WDR25: variants seen among roughly 807,000 people sequenced by gnomAD.
WDR25 encodes the protein WD repeat-containing protein 25.
A neutral mutation model predicts 47.7 loss-of-function variants in WDR25; 35 were observed. That is an observed-to-expected ratio of 0.73 (90% CI 0.56 to 0.97). The LOEUF (loss-of-function observed/expected upper bound fraction) is 0.97, where lower values mean the gene tolerates loss of function less well. Among genes scored for constraint, WDR25 ranks in the 50% least tolerant of loss-of-function variants. The probability of loss-of-function intolerance (pLI) is 0.00; values close to 1 mark genes in which losing one functional copy is unlikely to be tolerated. For missense variants in WDR25, 634 were observed against 704.7 expected (o/e 0.90, Z 1.14); for synonymous variants, 248 against 278.9 (o/e 0.89, Z 1.10).
At position 100,529,376 on chromosome 14, in the gene WDR25, A is replaced by C; in HGVS notation, c.1413+168A>C. 9.5e-7 allele frequency: 1 copy of C among 1,047,290 alleles called. No individual in the cohort carries two copies. The highest frequency in any genetic ancestry group is 1.4e-6 in the Non-Finnish European group (1 of 730,658). 64.9% of individuals were successfully genotyped at this position (1,047,290 alleles called of 1,614,324 possible). A position where few individuals can be genotyped will look rare whatever the true frequency, so the allele number is the denominator to read the frequency against. On this transcript the variant is annotated intron_variant, in intron 6 of 6. Transcript: ENST00000402312. This position sits in a 1 kb window ranked among gnomAD's most constrained non-coding sequence, Gnocchi z 5.1. ...GGCTCACTGTCTCTTCAAGTCCCTG[A>C]ACCACATCTGGTCCTCACCCCAGGC...
At position 100,499,658 on chromosome 14, in the gene WDR25, G is replaced by A. The variant is rs930293384; in HGVS notation, c.1101+15534G>A. Among the ~76,000 whole-genome samples the A allele has an allele frequency of 3.3e-5, 5 of 152,104 alleles. No individual in the cohort carries two copies. The highest frequency in any genetic ancestry group is 7.4e-5 in the Non-Finnish European group (5 of 68,020). ...GGTGGTGGCTGAGGGAGCAGGGTGG[G>A]TATAGGGAAGAAAGCCACCTCCTTC... On this transcript the variant is annotated intron_variant, in intron 4 of 6. Coordinates refer to ENST00000402312, the MANE Select transcript of WDR25 (RefSeq NM_001161476.3). This position sits in a 1 kb window ranked among gnomAD's most constrained non-coding sequence, Gnocchi z 4.4.
At chr14:100,459,908 A>G (rs1341103680) in intron 2 of WDR25, among the ~76,000 whole-genome samples, 7,984 of 49,780 alleles carry the variant, frequency 0.16, 598 homozygotes, top group East Asian at 0.27. Context: ...ATATATATAT[A>G]TATATATATA....
intron 2 of WDR25, among the ~76,000 whole-genome samples, chr14:100,451,268 G>A (rs1347050001): frequency 6.8e-6 from 1 of 147,856 alleles, no homozygotes. Context: ...TTGAGACGAG[G>A]TCTCACTTTG....
intron 2 of WDR25, among the ~76,000 whole-genome samples, chr14:100,403,041 T>TC (rs5810996): frequency 0.35 from 53,280 of 152,030 alleles, 11,769 homozygotes; most frequent in South Asian, 0.66. Flanking sequence ...ATTAGCAGTG[T>TC]CCAACAAATG....
rs1011502526 is a variant in WDR25 at position 100,428,832 on chromosome 14, A to G, written c.823-39189A>G. Among the ~76,000 whole-genome samples, 1 of 152,200 alleles carries G rather than the reference A, an allele frequency of 6.6e-6. No homozygotes were observed. ...TTAAAATCTCATATGAATTAATTTC[A>G]TGAAATTGGTTTGTTTTTCTTCTTC... On this transcript the variant is annotated intron_variant, in intron 2 of 6. Coordinates refer to ENST00000402312, the MANE Select transcript of WDR25 (RefSeq NM_001161476.3). This position sits in a 1 kb window ranked among gnomAD's most constrained non-coding sequence, Gnocchi z 4.3.
intron 2 of WDR25, among the ~76,000 whole-genome samples, chr14:100,417,223 T>C (rs942034146): frequency 6.6e-6 from 1 of 152,246 alleles, no homozygotes; most frequent in Admixed American, 6.5e-5. Flanking sequence ...ATCTGTTACT[T>C]GTGCGTGTCT....
chr14:100,460,767 C>T (rs1030692971), intron 2 of WDR25, among the ~76,000 whole-genome samples: 2 of 152,148 alleles, frequency 1.3e-5, no homozygotes, highest in Non-Finnish European at 2.9e-5. Context: ...GACTGACCAC[C>T]TTCCCAGTGA....
intron 1 of WDR25, among the ~76,000 whole-genome samples, chr14:100,379,172 C>T (rs926231271): frequency 2.0e-5 from 3 of 151,960 alleles, no homozygotes; most frequent in East Asian, 1.9e-4. Context: ...ATAAGCAGTG[C>T]GGCAGGTTTT....
chr14:100,510,423 A>G (rs1197656777), intron 4 of WDR25, among the ~76,000 whole-genome samples: 1 of 151,318 alleles, frequency 6.6e-6, no homozygotes, highest in Non-Finnish European at 1.5e-5. Context: ...GTGCACCACC[A>G]CACTCGGCTA....
chr14:100,431,855 G>A (rs1052668701), intron 2 of WDR25, among the ~76,000 whole-genome samples: 1 of 152,160 alleles, frequency 6.6e-6, no homozygotes, highest in South Asian at 2.1e-4. Context: ...GATTACAGGT[G>A]CCCGCCACCA....
intron 2 of WDR25, among the ~76,000 whole-genome samples, chr14:100,433,252 C>A (rs1566907919): frequency 6.6e-6 from 1 of 152,238 alleles, no homozygotes. Flanking sequence ...TCACAACACT[C>A]ACATTTAGAG....
chr14:100,434,626 T>C (rs1234313926), intron 2 of WDR25, among the ~76,000 whole-genome samples: 3 of 152,202 alleles, frequency 2.0e-5, no homozygotes, highest in Non-Finnish European at 4.4e-5. Flanking sequence ...TCCCCAATCT[T>C]AGGGATTTTC....
At chr14:100,403,531 G>T (rs1451983169) in intron 2 of WDR25, among the ~76,000 whole-genome samples, 1 of 152,234 alleles carries the variant, frequency 6.6e-6, no homozygotes, top group Non-Finnish European at 1.5e-5. Flanking sequence ...AGTGGTGCTG[G>T]CATGCTTAGC....
At position 100,499,764 on chromosome 14, in the gene WDR25, G is replaced by C. The variant is rs1001666976; in HGVS notation, c.1101+15640G>C. On this transcript the variant is annotated intron_variant, in intron 4 of 6. Coordinates refer to ENST00000402312, the MANE Select transcript of WDR25 (RefSeq NM_001161476.3). The surrounding 1 kb of genome is among the most constrained non-coding windows in gnomAD (Gnocchi z 4.4). ...TCCTTCCTTCCAGAGCTCCTGTCCTGGGCTGTGGAATGGGTCCCAGGGGGT... is the reference window on the plus strand; with the variant it reads ...TCCTTCCTTCCAGAGCTCCTGTCCTCGGCTGTGGAATGGGTCCCAGGGGGT... Among the ~76,000 whole-genome samples the C allele has an allele frequency of 4.6e-5, 7 of 152,224 alleles. No homozygotes were observed. Among genetic ancestry groups the C allele is most frequent in the Admixed American group, 3.3e-4 (5 of 15,286 alleles).
intron 2 of WDR25, among the ~76,000 whole-genome samples, chr14:100,395,564 G>C (rs754533337): frequency 1.2e-4 from 19 of 152,206 alleles, no homozygotes; most frequent in Non-Finnish European, 2.4e-4. Flanking sequence ...TTCTGGGATT[G>C]TTCTAGTCAC....
Position 100,449,149 on chromosome 14 carries a change from T to C in WDR25, c.823-18872T>C, listed in dbSNP as rs941435358. On this transcript the variant is annotated intron_variant, in intron 2 of 6. Coordinates refer to ENST00000402312, the MANE Select transcript of WDR25 (RefSeq NM_001161476.3). This position sits in a 1 kb window ranked among gnomAD's most constrained non-coding sequence, Gnocchi z 4.2. ...GCTTGGCAAGATAAGGCCTTATGGC[T>C]AGAAGGCTCGGAGAGCATCCTTTAC... Among the ~76,000 whole-genome samples the C allele has an allele frequency of 6.6e-6, 1 of 152,232 alleles. No homozygotes were observed. The highest frequency in any genetic ancestry group is 2.4e-5 in the African/African-American group (1 of 41,470).
At chr14:100,443,976 G>A (rs1469398529) in intron 2 of WDR25, among the ~76,000 whole-genome samples, 1 of 152,176 alleles carries the variant, frequency 6.6e-6, no homozygotes, top group Non-Finnish European at 1.5e-5. Context: ...GAGGCTCAGA[G>A]AGGTGAACCA....
intron 4 of WDR25, among the ~76,000 whole-genome samples, chr14:100,501,575 T>C (rs1259331355): frequency 6.6e-6 from 1 of 152,164 alleles, no homozygotes; most frequent in Admixed American, 6.5e-5. Flanking sequence ...TTGATTAATT[T>C]TTTAAAGGGA....
intron 2 of WDR25, among the ~76,000 whole-genome samples, chr14:100,429,609 G>A (rs1270616854): frequency 6.6e-6 from 1 of 152,126 alleles, no homozygotes; most frequent in African/African-American, 2.4e-5. Context: ...TGCTTGGACT[G>A]CCATAACAAA....
Sources: gnomAD v4.1 joint callset for allele counts (sites outside exome capture counted in the v4.1 genomes callset) on GRCh38, gnomAD v4.1.1 for gene constraint, Gnocchi (gnomAD v3.1) non-coding constraint, MANE v1.5 for transcripts, NCBI Gene and HGNC (gene_info 2026-07-23, HGNC 2026-07-21) for gene names.